Variants in FAT3 observed in about 807,000 individuals in gnomAD.
FAT3 encodes FAT atypical cadherin 3, also known as protocadherin Fat 3.
A neutral mutation model predicts 310.2 loss-of-function variants in FAT3; 95 were observed. The ratio of observed to expected loss-of-function variants is 0.31; its 90% CI spans 0.26 to 0.36. The LOEUF (loss-of-function observed/expected upper bound fraction) is 0.36. Among genes scored for constraint, FAT3 ranks in the 10% least tolerant of loss-of-function variants. The pLI, the probability that FAT3 is intolerant of heterozygous loss-of-function variation, is 1.00. For synonymous variants in FAT3, 2,314 were observed against 2,192.9 expected (o/e 1.06, Z -1.54); for missense variants, 5,408 against 5,715.6 (o/e 0.95, Z 1.74).
rs142642014 is a variant in FAT3, at chr11:92,277,714, G to C, written c.-18+52540G>C. 2.0e-5 allele frequency among the ~76,000 whole-genome samples: 3 copies of C among 152,234 alleles called. No individual in the cohort carries two copies. The East Asian group carries it at 5.8e-4, about 29-fold the overall frequency. On this transcript the variant is annotated intron_variant, in intron 1 of 27. Coordinates refer to ENST00000525166, the MANE Select transcript of FAT3 (RefSeq NM_001367949.2). The stretch of plus-strand genomic sequence containing the variant: ...GGGAATACTAGAGTGGAGAGAGAGA[G>C]AGGAGGGCAAGGGTTGAAAAGCTAC...
chr11:92,265,103 A>C (rs1460168950), intron 1 of FAT3, among the ~76,000 whole-genome samples: 1 of 151,954 alleles, frequency 6.6e-6, no homozygotes, highest in Non-Finnish European at 1.5e-5. Context: ...TTTTTATATT[A>C]GAGTATCTTC....
At chr11:92,394,749 A>G (rs942568679) in intron 2 of FAT3, among the ~76,000 whole-genome samples, 1 of 152,142 alleles carries the variant, frequency 6.6e-6, no homozygotes, top group Non-Finnish European at 1.5e-5. Flanking sequence ...CAGTCTTTCC[A>G]TTTTCTTGGA....
intron 3 of FAT3, among the ~76,000 whole-genome samples, chr11:92,667,818 A>T (rs1943005393): frequency 6.6e-6 from 1 of 152,198 alleles, no homozygotes; most frequent in Non-Finnish European, 1.5e-5. Flanking sequence ...TTTCCCATAG[A>T]AATGTCATTG....
intron 3 of FAT3, among the ~76,000 whole-genome samples, chr11:92,676,483 C>G (rs1379019954): frequency 1.3e-5 from 2 of 152,178 alleles, no homozygotes; most frequent in Non-Finnish European, 2.9e-5. Context: ...GATTGTCACT[C>G]AGAGGTAAGA....
intron 2 of FAT3, among the ~76,000 whole-genome samples, chr11:92,475,933 A>G (rs1952040451): frequency 6.6e-6 from 1 of 152,184 alleles, no homozygotes; most frequent in Non-Finnish European, 1.5e-5. Context: ...GGAAGAAATT[A>G]AAGACCGAAG....
intron 1 of FAT3, among the ~76,000 whole-genome samples, chr11:92,271,355 C>A (rs762326719): frequency 1.3e-5 from 2 of 152,150 alleles, no homozygotes; most frequent in Non-Finnish European, 2.9e-5. Context: ...TCCTTCATGT[C>A]TTCCCTCTGC....
rs578250199 is a variant in FAT3, at chr11:92,310,811, G to A, written c.-17-41285G>A. Among the ~76,000 whole-genome samples, 7 of 152,008 alleles carry A rather than the reference G, an allele frequency of 4.6e-5. No individual in the cohort carries two copies. The South Asian group carries it at 1.0e-3, about 23-fold the overall frequency. ...CTAAGCATTTTTTCTGTATCATGAC[G>A]AGTAGTTTCATGGATAAATTTAGGT... On this transcript the variant is annotated intron_variant, in intron 1 of 27. Coordinates refer to ENST00000525166, the MANE Select transcript of FAT3 (RefSeq NM_001367949.2).
chr11:92,330,993 TGTGTGTGTGTGAGAGA>T (rs58212941), intron 1 of FAT3, among the ~76,000 whole-genome samples: 2,454 of 125,426 alleles, frequency 0.02, 86 homozygotes, highest in African/African-American at 0.1. Flanking sequence ...TGTGTGTGTG[TGTGTGTGTGTGAGAGA>T]GAGAGAGAGA....
intron 2 of FAT3, among the ~76,000 whole-genome samples, chr11:92,390,153 T>C (rs1237082963): frequency 6.6e-6 from 1 of 152,140 alleles, no homozygotes; most frequent in African/African-American, 2.4e-5. Context: ...AATAAAGTTC[T>C]TGTAAAGTCA....
At chr11:92,547,466 A>G (rs1440991619) in intron 3 of FAT3, among the ~76,000 whole-genome samples, 1 of 152,206 alleles carries the variant, frequency 6.6e-6, no homozygotes, top group Admixed American at 6.5e-5. Context: ...GTAAAACTGT[A>G]AAATGTAATA....
chr11:92,395,609 C>T (rs1170385838), intron 2 of FAT3, among the ~76,000 whole-genome samples: 3 of 150,034 alleles, frequency 2.0e-5, no homozygotes, highest in African/African-American at 4.9e-5. Flanking sequence ...GATAGAGTCT[C>T]GCTCTGTCAC....
intron 1 of FAT3, among the ~76,000 whole-genome samples, chr11:92,246,143 A>C (rs111773949): frequency 0.026 from 3,903 of 152,142 alleles, 204 homozygotes; most frequent in African/African-American, 0.088. Flanking sequence ...TGGAGTGAAG[A>C]GGGAGGTGGA....
At chr11:92,468,584 C>T (rs1158980324) in intron 2 of FAT3, among the ~76,000 whole-genome samples, 1 of 152,164 alleles carries the variant, frequency 6.6e-6, no homozygotes, top group Non-Finnish European at 1.5e-5. Flanking sequence ...TTAATAAAGA[C>T]ATACCCAAGA....
chr11:92,870,370 C>A (rs1424170597), intron 22 of FAT3, among the ~76,000 whole-genome samples: 1 of 152,040 alleles, frequency 6.6e-6, no homozygotes, highest in Non-Finnish European at 1.5e-5. Context: ...GCCATAGGAA[C>A]CTCAGGGGAG....
At chr11:92,707,239 C>A (rs1944384268) in intron 4 of FAT3, among the ~76,000 whole-genome samples, 1 of 152,220 alleles carries the variant, frequency 6.6e-6, no homozygotes, top group African/African-American at 2.4e-5. Context: ...TCCTTCCACC[C>A]AGTGGCTCCG....
chr11:92,748,037 C>T (rs893845263), intron 4 of FAT3, among the ~76,000 whole-genome samples: 5 of 152,196 alleles, frequency 3.3e-5, no homozygotes, highest in African/African-American at 1.2e-4. Context: ...ACAGCAGCAT[C>T]CCACTACCTG....
At position 92,720,806 on chromosome 11, in the gene FAT3, T is replaced by C. The variant is rs145643514; in HGVS notation, c.3669+23361T>C. Among the ~76,000 whole-genome samples the C allele has an allele frequency of 5.7e-3, 874 of 152,346 alleles. 4 individuals are homozygous for C. Among genetic ancestry groups the C allele is most frequent in the Middle Eastern group, 0.02 (6 of 294 alleles). ...TTAAAAATGACTTATTATTAAACTA[T>C]ACCTGTGCTTCAAATTCAAAATATG... On this transcript the variant is annotated intron_variant, in intron 4 of 27. Transcript: ENST00000525166.
At chr11:92,475,054 A>G (rs929893345) in intron 2 of FAT3, among the ~76,000 whole-genome samples, 1 of 152,166 alleles carries the variant, frequency 6.6e-6, no homozygotes, top group Non-Finnish European at 1.5e-5. Flanking sequence ...CCACCTTGAC[A>G]CAATGGCGGT....
chr11:92,645,346 C>G (rs1219870415), intron 3 of FAT3, among the ~76,000 whole-genome samples: 1 of 152,124 alleles, frequency 6.6e-6, no homozygotes, highest in African/African-American at 2.4e-5. Context: ...TTTTTCTATA[C>G]TGTTTTGATG....
Sources: allele counts gnomAD v4.1 joint callset (sites outside exome capture counted in the v4.1 genomes callset), GRCh38; gene constraint gnomAD v4.1.1; transcripts MANE v1.5; gene names NCBI Gene and HGNC (gene_info 2026-07-23, HGNC 2026-07-21).